The following TAB1 variants were observed in gnomAD, a reference collection of about 807,000 sequenced individuals.
TAB1 encodes TGF-beta activated kinase 1 (MAP3K7) binding protein 1.
In TAB1, 30 loss-of-function variants were observed where a neutral mutation model predicts 54.5. The ratio of observed to expected loss-of-function variants is 0.55; its 90% confidence interval spans 0.41 to 0.75. The LOEUF (loss-of-function observed/expected upper bound fraction) is 0.75. Among genes scored for constraint, TAB1 ranks in the 30% least tolerant of loss-of-function variants. The pLI, the probability that TAB1 is intolerant of heterozygous loss-of-function variation, is 0.00. For missense variants in TAB1, 609 were observed against 683.2 expected (o/e 0.89, Z 1.21); for synonymous variants, 289 against 286.9 (o/e 1.01, Z -0.07).
chr22:39,411,791 A>T (rs1015553931), intron 1 of TAB1, among the ~76,000 whole-genome samples: 1 of 152,216 alleles, frequency 6.6e-6, no homozygotes, highest in Admixed American at 6.5e-5. Context: ...TTTATAGCAT[A>T]TTTCTTCATA....
chr22:39,436,084 G>T (rs1927772820), downstream of TAB1, among the ~76,000 whole-genome samples: 1 of 152,222 alleles, frequency 6.6e-6, no homozygotes, highest in Non-Finnish European at 1.5e-5. Flanking sequence ...CTGAGGTCAG[G>T]AGTTTGAGAC....
chr22:39,405,760 C>A (rs1432680978), intron 1 of TAB1, among the ~76,000 whole-genome samples: 8 of 152,290 alleles, frequency 5.3e-5, no homozygotes, highest in African/African-American at 1.7e-4. Flanking sequence ...ATGGCTAATC[C>A]TCGATGGAGA....
Position 39,426,706 on chromosome 22 carries a change from A to C in TAB1, c.925A>C (p.Ile309Leu). 1.3e-6 allele frequency: 2 copies of C among 1,595,318 alleles called. No individual in the cohort carries two copies. The highest frequency in any genetic ancestry group is 2.3e-5 in the East Asian group (1 of 44,316). Reference sequence around the variant, plus strand: ...TTCTTCCTACCCCCTCCCCCAGGAGATTGCTGCGATGATTGACACTGAGTT... The same window carrying C: ...TTCTTCCTACCCCCTCCCCCAGGAGCTTGCTGCGATGATTGACACTGAGTT... ...AHGPGQANQE[I>L]AAMIDTEFAK... Residue 309 changes from isoleucine (I) to leucine (L), a missense_variant, in exon 9 of 11, where the codon ATT becomes CTT. Ile to Leu is a conservative substitution (Grantham distance 5). Transcript: ENST00000216160.
At chr22:39,417,293 G>T (rs1926875379) in intron 4 of TAB1, among the ~76,000 whole-genome samples, 1 of 152,222 alleles carries the variant, frequency 6.6e-6, no homozygotes, top group African/African-American at 2.4e-5. Flanking sequence ...CCATCTGTCT[G>T]TCTGTCCCCC....
chr22:39,425,760 A>G lies in TAB1; in HGVS notation c.922-943A>G, dbSNP rs531028670. ...ATGGGGTTTCACCGTATTAGCCAGGATGGTCTCGATCTCCTGACCTCATGA... is the reference window on the plus strand; with the variant it reads ...ATGGGGTTTCACCGTATTAGCCAGGGTGGTCTCGATCTCCTGACCTCATGA... On this transcript the variant is annotated intron_variant, in intron 8 of 10. Coordinates refer to ENST00000216160, the MANE Select transcript of TAB1 (RefSeq NM_006116.3). Among the ~76,000 whole-genome samples, 247 of 150,550 alleles carry G rather than the reference A, an allele frequency of 1.6e-3. 1 individual carries two copies. The highest frequency in any genetic ancestry group is 3.2e-3 in the Non-Finnish European group (214 of 67,732).
chr22:39,425,768 G>A (rs938088429), intron 8 of TAB1, among the ~76,000 whole-genome samples: 2 of 151,260 alleles, frequency 1.3e-5, no homozygotes, highest in Non-Finnish European at 2.9e-5. Flanking sequence ...GGATGGTCTC[G>A]ATCTCCTGAC....
rs1258113837 is a variant in TAB1 at position 39,415,911 on chromosome 22, G to A, written c.324+258G>A. ...GGATTTAGGGATGGGAGCTTGGAGAGAGGTGTGAGGTGGGAGCAGGGCAAG... is the reference window on the plus strand; with the variant it reads ...GGATTTAGGGATGGGAGCTTGGAGAAAGGTGTGAGGTGGGAGCAGGGCAAG... On this transcript the variant is annotated intron_variant, in intron 3 of 10. Transcript: ENST00000216160. This position sits in a 1 kb window ranked among gnomAD's most constrained non-coding sequence, Gnocchi z 4.9. Among the ~76,000 whole-genome samples, 1 of 152,188 alleles carries A rather than the reference G, an allele frequency of 6.6e-6. No homozygotes were observed.
downstream of TAB1, chr22:39,432,586 C>T (rs111244547): frequency 2.4e-5 from 6 of 245,746 alleles, no homozygotes; most frequent in African/African-American, 1.2e-4. Flanking sequence ...GCCAGGGGTC[C>T]TGAGGACCAC....
intron 10 of TAB1, chr22:39,429,359 G>C (rs768365082): frequency 2.0e-6 from 2 of 985,314 alleles, no homozygotes; most frequent in African/African-American, 3.5e-5. Context: ...ATGGACAGTC[G>C]GTGGTTCAGC....
At chr22:39,426,311 T>C (rs1927332578) in intron 8 of TAB1, among the ~76,000 whole-genome samples, 1 of 152,244 alleles carries the variant, frequency 6.6e-6, no homozygotes, top group South Asian at 2.1e-4. Flanking sequence ...CTAGCATGTA[T>C]AACATCGCCT....
chr22:39,429,993 T>C (rs1927513197), intron 10 of TAB1, 22 bp from the exon 11 acceptor site: 3 of 1,611,000 alleles, frequency 1.9e-6, no homozygotes, highest in Non-Finnish European at 2.5e-6. Flanking sequence ...TCTGATTGAC[T>C]CCCTCCCCTG....
rs1173814846 is a variant in TAB1 at position 39,416,790 on chromosome 22, G to A, written c.325-1G>A. On this transcript the variant is annotated splice_acceptor_variant, in intron 3 of 10. Transcript: ENST00000216160. LOFTEE classifies it high-confidence loss of function. ...CTTTGCCCTGTCCTGTGTCCCCCTA[G>A]GCCTTCGATGTGGTGGAGAGGAGCT... The A allele has an allele frequency of 6.2e-7, 1 of 1,614,212 alleles. No homozygotes were observed. Among genetic ancestry groups the A allele is most frequent in the Admixed American group, 1.7e-5 (1 of 60,032 alleles).
rs201665377 is a variant in TAB1, at chr22:39,415,584, C to T, written c.255C>T (p.Ser85=). The change falls in exon 3 of 11, where the codon TCC becomes TCT. Residue 85 remains serine (S), a synonymous_variant. Transcript: ENST00000216160. The surrounding 1 kb of genome is among the most constrained non-coding windows in gnomAD (Gnocchi z 4.9). ...CCAACTTCGTGGCCCAGCGGCTGTC[C>T]GCAGAGCTCCTGCTGGGCCAGCTGA... The part of the protein sequence containing the change: ...RVTNFVAQRL[S]AELLLGQLNA... 1.3e-4 allele frequency: 216 copies of T among 1,614,064 alleles called. 2 individuals carry two copies. The East Asian group carries it at 4.1e-3, about 31-fold the overall frequency.
intron 9 of TAB1, 74 bp from the exon 10 acceptor site, chr22:39,427,947 G>C: frequency 7.2e-7 from 1 of 1,381,230 alleles, no homozygotes; most frequent in Non-Finnish European, 9.9e-7. Flanking sequence ...TCAGGCCATG[G>C]AGCAGCTATG....
At chr22:39,409,095 A>G (rs929740349) in intron 1 of TAB1, among the ~76,000 whole-genome samples, 2 of 152,212 alleles carry the variant, frequency 1.3e-5, no homozygotes, top group African/African-American at 4.8e-5. Flanking sequence ...AAATAGAAAT[A>G]TCTTTTCCTC....
chr22:39,408,868 A>G (rs1926490607), intron 1 of TAB1, among the ~76,000 whole-genome samples: 2 of 152,064 alleles, frequency 1.3e-5, no homozygotes, highest in Non-Finnish European at 2.9e-5. Flanking sequence ...GGTCTTATTT[A>G]TTTGGCTGGG....
At chr22:39,432,938 C>T (rs969690969), downstream of TAB1, 17 of 985,374 alleles carry the variant, frequency 1.7e-5, no homozygotes, top group Admixed American at 1.0e-3. Flanking sequence ...GGCCAGGAGT[C>T]AAGGTAAGGA....
intron 4 of TAB1, among the ~76,000 whole-genome samples, chr22:39,417,124 C>T (rs1011792611): frequency 1.3e-5 from 2 of 152,230 alleles, no homozygotes; most frequent in South Asian, 2.1e-4. Flanking sequence ...CCCAGTCCTT[C>T]GTCCTGAATG....
Position 39,401,925 on chromosome 22 carries a change from G to A in TAB1, c.33+2090G>A, listed in dbSNP as rs117327855. Among the ~76,000 whole-genome samples, 245 of 152,330 alleles carry A rather than the reference G, an allele frequency of 1.6e-3. 4 individuals are homozygous for A. In the East Asian group the frequency reaches 0.043, roughly 27 times the overall value. On this transcript the variant is annotated intron_variant, in intron 1 of 10. Coordinates refer to ENST00000216160, the MANE Select transcript of TAB1 (RefSeq NM_006116.3). ...TCAGAGATGGCTGTGAGGGCTGCTGGTCTGTGGCTACTGGGCAAATATGAA... is the reference window on the plus strand; with the variant it reads ...TCAGAGATGGCTGTGAGGGCTGCTGATCTGTGGCTACTGGGCAAATATGAA...
Sources: gnomAD v4.1 joint callset for allele counts (sites outside exome capture counted in the v4.1 genomes callset) on GRCh38, gnomAD v4.1.1 for gene constraint, Gnocchi (gnomAD v3.1) non-coding constraint, MANE v1.5 for transcripts, NCBI Gene and HGNC (gene_info 2026-07-23, HGNC 2026-07-21) for gene names.